MIS18A: variants seen among roughly 807,000 people sequenced by gnomAD.
MIS18A encodes the protein protein Mis18-alpha.
A neutral mutation model predicts 25.0 loss-of-function variants in MIS18A; 14 were observed. The ratio of observed to expected loss-of-function variants is 0.56; its 90% CI spans 0.37 to 0.88. The LOEUF (loss-of-function observed/expected upper bound fraction) is 0.88. Ranked by LOEUF, MIS18A falls within the 40% of genes least tolerant of loss-of-function variation. The pLI is 0.00. For synonymous variants in MIS18A, 134 were observed against 118.6 expected (o/e 1.13, Z -0.84); for missense variants, 292 against 290.8 (o/e 1.00, Z -0.03).
the MIS18A span, among the ~76,000 whole-genome samples, chr21:32,234,385 G>A: frequency 1.3e-5 from 2 of 152,046 alleles, no homozygotes; most frequent in African/African-American, 4.8e-5. Flanking sequence ...GCTTCCCATA[G>A]TCCTAATGCC....
the MIS18A span, among the ~76,000 whole-genome samples, chr21:32,252,115 G>A: frequency 4.5e-4 from 69 of 152,102 alleles, no homozygotes; most frequent in Non-Finnish European, 7.6e-4. Flanking sequence ...GAGCCCACAA[G>A]TTTGACACTG....
intron 1 of MIS18A, chr21:32,278,291 A>C: frequency 5.1e-6 from 1 of 197,150 alleles, no homozygotes; most frequent in South Asian, 1.4e-4. Flanking sequence ...CTGATACACC[A>C]ACAGCCTGCT....
At chr21:32,184,882 G>GC in the MIS18A span, among the ~76,000 whole-genome samples, 1 of 151,946 alleles carries the variant, frequency 6.6e-6, no homozygotes, top group Non-Finnish European at 1.5e-5. Context: ...CTCCTCTGTG[G>GC]CTCCCGGCCA....
At position 32,270,514 on chromosome 21, in the gene MIS18A, C is replaced by T. The variant is rs750243774; in HGVS notation, c.417G>A (p.Leu139=). 1.3e-5 allele frequency: 20 copies of T among 1,590,236 alleles called. No homozygotes were observed. Among genetic ancestry groups the T allele is most frequent in the Non-Finnish European group, 1.7e-5 (20 of 1,170,562 alleles). The part of the protein sequence containing the change: ...EKENGCVLET[L]CCAGCSLNLG... ...GATTGAGTGAGCACCCCGCGCAGCA[C>T]AAAGTCTCAAGGACGCTGCAATAAA... is the stretch of plus-strand genomic sequence containing the variant. Residue 139 remains leucine (L), a synonymous_variant, in exon 3 of 5, where the codon TTG becomes TTA. Transcript: ENST00000290130.
the MIS18A span, among the ~76,000 whole-genome samples, chr21:32,261,931 A>C: frequency 5.9e-5 from 9 of 152,160 alleles, no homozygotes; most frequent in South Asian, 2.1e-4. Context: ...AAAAAGAGAG[A>C]AGCTCAGGAT....
chr21:32,218,192 C>CAAAAAA, the MIS18A span, among the ~76,000 whole-genome samples: 25 of 56,328 alleles, frequency 4.4e-4, no homozygotes, highest in Middle Eastern at 0.041. Flanking sequence ...GACTCCATCT[C>CAAAAAA]AAAAAAAAAA....
the MIS18A span, among the ~76,000 whole-genome samples, chr21:32,243,328 A>T: frequency 6.6e-6 from 1 of 152,220 alleles, no homozygotes; most frequent in Non-Finnish European, 1.5e-5. Flanking sequence ...TTTTTTAAAT[A>T]CCTAAAAAAA....
At chr21:32,196,385 A>C in the MIS18A span, among the ~76,000 whole-genome samples, 1 of 151,766 alleles carries the variant, frequency 6.6e-6, no homozygotes, top group South Asian at 2.1e-4. Flanking sequence ...CTTAGGTCTC[A>C]GCTCTCCTGG....
the MIS18A span, among the ~76,000 whole-genome samples, chr21:32,183,657 G>A: frequency 6.6e-6 from 1 of 152,110 alleles, no homozygotes; most frequent in African/African-American, 2.4e-5. Flanking sequence ...AGTCTCAGAA[G>A]GAAACTGTAT....
the MIS18A span, among the ~76,000 whole-genome samples, chr21:32,180,299 G>C: frequency 6.6e-6 from 1 of 152,088 alleles, no homozygotes; most frequent in African/African-American, 2.4e-5. Flanking sequence ...TGAAGCCAAA[G>C]CTCTCTTCAT....
the MIS18A span, among the ~76,000 whole-genome samples, chr21:32,217,826 A>C: frequency 0.029 from 4,461 of 152,254 alleles, 227 homozygotes; most frequent in African/African-American, 0.1. Flanking sequence ...TGAAGGAAAA[A>C]AAAACACTAT....
the MIS18A span, among the ~76,000 whole-genome samples, chr21:32,157,223 A>ATTTTTTTTTTTTTTTTTTTTTTTT: frequency 1.9e-4 from 14 of 72,318 alleles, 2 homozygotes; most frequent in African/African-American, 4.1e-4. Flanking sequence ...TACCCGGCTA[A>ATTTTTTTTTTTTTTTTTTTTTTTT]TTTTTTTTTT....
the MIS18A span, among the ~76,000 whole-genome samples, chr21:32,184,531 A>G: frequency 1.3e-5 from 2 of 152,306 alleles, no homozygotes; most frequent in South Asian, 4.1e-4. Context: ...CATCCCAATT[A>G]TCACCCTTAA....
chr21:32,221,805 C>A, the MIS18A span, among the ~76,000 whole-genome samples: 2 of 150,910 alleles, frequency 1.3e-5, no homozygotes, highest in African/African-American at 4.9e-5. Flanking sequence ...AGGCAGAGAA[C>A]TGCTTGAACC....
At chr21:32,265,585 C>T (rs1329303404), downstream of MIS18A, among the ~76,000 whole-genome samples, 1 of 152,352 alleles carries the variant, frequency 6.6e-6, no homozygotes, top group South Asian at 2.1e-4. Context: ...GGGCTCAGGA[C>T]CTGCAGCCCG....
At chr21:32,181,700 G>C in the MIS18A span, among the ~76,000 whole-genome samples, 1 of 152,146 alleles carries the variant, frequency 6.6e-6, no homozygotes, top group Non-Finnish European at 1.5e-5. Flanking sequence ...AGATGGCAGG[G>C]CAGAGGAGGC....
chr21:32,197,405 A>G, the MIS18A span, among the ~76,000 whole-genome samples: 2 of 152,208 alleles, frequency 1.3e-5, no homozygotes, highest in Non-Finnish European at 2.9e-5. Context: ...TGCATGATAC[A>G]TGGATTTGAA....
At chr21:32,188,946 G>A in the MIS18A span, among the ~76,000 whole-genome samples, 1 of 152,302 alleles carries the variant, frequency 6.6e-6, no homozygotes. Flanking sequence ...CCAATCAAAC[G>A]ATTTTTATAA....
the MIS18A span, among the ~76,000 whole-genome samples, chr21:32,253,124 G>GA: frequency 1.3e-5 from 2 of 152,178 alleles, no homozygotes; most frequent in East Asian, 3.9e-4. Flanking sequence ...CGCTTTAGGG[G>GA]GCCACTCCAT....
Sources: allele counts gnomAD v4.1 joint callset (sites outside exome capture counted in the v4.1 genomes callset), GRCh38; gene constraint gnomAD v4.1.1; transcripts MANE v1.5; gene names NCBI Gene and HGNC (gene_info 2026-07-23, HGNC 2026-07-21).